CSDE1: variants seen among roughly 807,000 people sequenced by gnomAD.
CSDE1 encodes cold shock domain-containing protein E1.
A neutral mutation model predicts 89.3 loss-of-function variants in CSDE1; 17 were observed. The ratio of observed to expected loss-of-function variants is 0.19; its 90% confidence interval spans 0.13 to 0.29. The LOEUF is 0.29. Among genes scored for constraint, CSDE1 ranks in the 10% least tolerant of loss-of-function variants. The pLI is 1.00. For missense variants in CSDE1, 672 were observed against 984.2 expected (o/e 0.68, Z 4.24); for synonymous variants, 322 against 332.8 (o/e 0.97, Z 0.35).
chr1:114,730,228 C>A, intron 12 of CSDE1, 30 bp downstream of exon 12: 1 of 1,604,886 alleles, frequency 6.2e-7, no homozygotes, highest in East Asian at 2.2e-5. Context: ...TAAACAGCTA[C>A]AAAAATCATT....
At position 114,718,052 on chromosome 1, in the gene CSDE1, T is replaced by C. The variant is rs987012996; in HGVS notation, c.*117A>G. On this transcript the variant is annotated 3_prime_UTR_variant, in exon 20 of 20. Transcript: ENST00000358528. ...AAGGTGTTAAAACTGGTGTAATAGC[T>C]CAATAGAATAAGTATTCCAGATTTC... 9.1e-6 allele frequency: 9 copies of C among 990,454 alleles called. 1 individual carries two copies. The highest frequency in any genetic ancestry group is 3.9e-5 in the Admixed American group (2 of 51,130). 61.4% of individuals were successfully genotyped at this position (990,454 alleles called of 1,614,324 possible).
At chr1:114,718,590 C>A (rs773353320) in intron 19 of CSDE1, 23 bp downstream of exon 19, 2 of 1,609,804 alleles carry the variant, frequency 1.2e-6, no homozygotes, top group East Asian at 2.2e-5. Flanking sequence ...TTGGCCTCCC[C>A]CAAGCCTTGT....
At chr1:114,727,978 C>T (rs1430442705) in intron 12 of CSDE1, among the ~76,000 whole-genome samples, 1 of 152,168 alleles carries the variant, frequency 6.6e-6, no homozygotes, top group Non-Finnish European at 1.5e-5. Context: ...GACTTCCTTC[C>T]TAAACTCCAG....
chr1:114,718,981 T>C, intron 18 of CSDE1: 1 of 502,984 alleles, frequency 2.0e-6, no homozygotes, highest in Non-Finnish European at 3.5e-6. Flanking sequence ...ACCCTAGACT[T>C]GAATGCAATC....
chr1:114,721,404 G>C (rs1659513349), intron 16 of CSDE1, among the ~76,000 whole-genome samples: 1 of 152,186 alleles, frequency 6.6e-6, no homozygotes, highest in Admixed American at 6.5e-5. Context: ...CTGCCCTACA[G>C]TATGAAGTTG....
chr1:114,733,925 T>C, intron 8 of CSDE1, 64 bp downstream of exon 8: 1 of 1,606,714 alleles, frequency 6.2e-7, no homozygotes, highest in East Asian at 2.2e-5. Context: ...TTTAAGTGTT[T>C]CTTAAAAACA....
chr1:114,718,114 C>A lies in CSDE1; in HGVS notation c.*55G>T. On this transcript the variant is annotated 3_prime_UTR_variant, in exon 20 of 20. Coordinates refer to ENST00000358528, the MANE Select transcript of CSDE1 (RefSeq NM_001007553.3). ...AGAGGGAGATATTCAGAACCCTTCA[C>A]CAGATTCCCCCCAACTTGATCATAG... The A allele has an allele frequency of 3.8e-6, 6 of 1,588,986 alleles. No homozygotes were observed. Among genetic ancestry groups the A allele is most frequent in the Non-Finnish European group, 5.2e-6 (6 of 1,157,818 alleles).
chr1:114,741,124 T>C (rs182615315), intron 2 of CSDE1, among the ~76,000 whole-genome samples: 2 of 152,312 alleles, frequency 1.3e-5, no homozygotes, highest in East Asian at 1.9e-4. Context: ...CAAGAAAGTA[T>C]TGTATTCGCC....
chr1:114,734,357 G>GA (rs57342611), intron 7 of CSDE1, 85 bp downstream of exon 7: 64,967 of 973,502 alleles, frequency 0.067, 78 homozygotes, highest in East Asian at 0.1. Context: ...AGATAAAAAA[G>GA]AAAAAAAAAA....
In CSDE1 at chr1:114,718,700, G is replaced by A; in HGVS notation, c.2262C>T (p.Val754=). 6.2e-7 allele frequency: 1 copy of A among 1,614,164 alleles called. No homozygotes were observed. Among genetic ancestry groups the A allele is most frequent in the Non-Finnish European group, 8.5e-7 (1 of 1,180,034 alleles). ...CCAGAGTGATATTCTTCAAGCGATTGACCAACCGATCAGGTCGAGGAGCTG... is the reference window on the plus strand; with the variant it reads ...CCAGAGTGATATTCTTCAAGCGATTAACCAACCGATCAGGTCGAGGAGCTG... ...AVAAPRPDRL[V]NRLKNITLDD... Residue 754 remains valine, a synonymous_variant, in exon 19 of 20, where the codon GTC becomes GTT. Coordinates refer to ENST00000358528, the MANE Select transcript of CSDE1 (RefSeq NM_001007553.3).
chr1:114,718,607 T>A lies in CSDE1; in HGVS notation c.2349+6A>T, dbSNP rs776319215. On this transcript the variant is annotated splice_donor_region_variant and intron_variant, in intron 19 of 19. Transcript: ENST00000358528. ...GGCCTCCCCCAAGCCTTGTATGCCC[T>A]CATACCATTGAGTTATCTGGTCCCC... 4 of 1,613,768 alleles carry A rather than the reference T, an allele frequency of 2.5e-6. No individual in the cohort carries two copies. The Admixed American group carries it at 5.0e-5, about 20-fold the overall frequency.
At chr1:114,726,012 G>A (rs1241625840) in intron 14 of CSDE1, among the ~76,000 whole-genome samples, 199 bp downstream of exon 14, 1 of 152,178 alleles carries the variant, frequency 6.6e-6, no homozygotes, top group Non-Finnish European at 1.5e-5. Context: ...AGGTGGCACA[G>A]GCCTTTCTAT....
intron 2 of CSDE1, among the ~76,000 whole-genome samples, chr1:114,743,923 T>C (rs1660871919): frequency 6.6e-6 from 1 of 152,220 alleles, no homozygotes; most frequent in Non-Finnish European, 1.5e-5. Context: ...CAAACAACTT[T>C]AGATAAGTTG....
intron 3 of CSDE1, 70 bp from the exon 4 acceptor site, chr1:114,738,142 ACT>A: frequency 8.6e-7 from 1 of 1,164,332 alleles, no homozygotes; most frequent in Non-Finnish European, 1.3e-6. Context: ...TCCAAGCTAT[ACT>A]TAACATAGCA....
intron 17 of CSDE1, 109 bp from the exon 18 acceptor site, chr1:114,719,851 T>C: frequency 2.7e-6 from 3 of 1,097,126 alleles, no homozygotes; most frequent in Non-Finnish European, 3.9e-6. Flanking sequence ...GTATTAATGT[T>C]GATACTCCAG....
intron 10 of CSDE1, among the ~76,000 whole-genome samples, chr1:114,732,100 C>T (rs930654035): frequency 6.6e-6 from 1 of 152,020 alleles, no homozygotes; most frequent in African/African-American, 2.4e-5. Context: ...AGGTGTGAGC[C>T]ACCGTGCCTA....
Position 114,718,046 on chromosome 1 carries a change from A to G in CSDE1, c.*123T>C, listed in dbSNP as rs1245493445. The G allele has an allele frequency of 1.1e-6, 1 of 925,296 alleles. No homozygotes were observed. The highest frequency in any genetic ancestry group is 2.4e-5 in the East Asian group (1 of 41,006). 57.3% of individuals were successfully genotyped at this position (925,296 alleles called of 1,614,324 possible). A position where few individuals can be genotyped will look rare whatever the true frequency, so the allele number is the denominator to read the frequency against. ...ACGAGGAAGGTGTTAAAACTGGTGT[A>G]ATAGCTCAATAGAATAAGTATTCCA... On this transcript the variant is annotated 3_prime_UTR_variant, in exon 20 of 20. Transcript: ENST00000358528.
intron 14 of CSDE1, 48 bp from the exon 15 acceptor site, chr1:114,725,381 AACAGTAACAGGCAGTCTTTATTTT>A (rs755317383): frequency 1.5e-6 from 2 of 1,366,976 alleles, no homozygotes; most frequent in East Asian, 2.3e-5. Context: ...CATAAACATC[AACAGTAACAGGCAGTCTTTATTTT>A]ACAGTAACAG....
chr1:114,739,008 A>G (rs1052060674), intron 3 of CSDE1, among the ~76,000 whole-genome samples: 2 of 150,974 alleles, frequency 1.3e-5, no homozygotes, highest in Non-Finnish European at 2.9e-5. Context: ...GTCAGCCACA[A>G]TGAATTTCCA....
Sources: allele counts gnomAD v4.1 joint callset (sites outside exome capture counted in the v4.1 genomes callset), GRCh38; gene constraint gnomAD v4.1.1; transcripts MANE v1.5; gene names NCBI Gene and HGNC (gene_info 2026-07-23, HGNC 2026-07-21).